KPNA1: variants seen among roughly 807,000 people sequenced by gnomAD.
KPNA1 encodes the protein importin subunit alpha-5.
KPNA1 carries 10 observed loss-of-function variants against 70.5 expected under a neutral mutation model. The observed-to-expected ratio is 0.14, with a 90% confidence interval of 0.09 to 0.24. The LOEUF is 0.24. KPNA1 is among the 10% of genes least tolerant of loss of function. The pLI is 1.00. For missense variants in KPNA1, 397 were observed against 637.9 expected (o/e 0.62, Z 4.07); for synonymous variants, 192 against 221.9 (o/e 0.87, Z 1.20).
chr3:122,462,469 C>T (rs982347097), intron 4 of KPNA1, among the ~76,000 whole-genome samples: 1 of 152,006 alleles, frequency 6.6e-6, no homozygotes, highest in Non-Finnish European at 1.5e-5. Flanking sequence ...TCTCACCATA[C>T]CCTACATTAA....
intron 8 of KPNA1, 85 bp downstream of exon 8, chr3:122,451,449 T>G (rs561978387): frequency 1.5e-6 from 1 of 685,342 alleles, no homozygotes; most frequent in East Asian, 2.7e-5. Flanking sequence ...TTAACAAAAA[T>G]TATCTTCCTG....
intron 12 of KPNA1, among the ~76,000 whole-genome samples, chr3:122,431,239 G>A (rs1271976952): frequency 6.6e-6 from 1 of 152,048 alleles, no homozygotes; most frequent in Non-Finnish European, 1.5e-5. Context: ...TTGTCTCACT[G>A]CAACCAACCT....
intron 9 of KPNA1, among the ~76,000 whole-genome samples, chr3:122,443,552 A>C (rs530268418): frequency 2.6e-5 from 4 of 152,146 alleles, no homozygotes; most frequent in Admixed American, 6.5e-5. Context: ...CCAGCCCCCA[A>C]TATTTCAATG....
chr3:122,481,740 CTGTAT>C (rs2076573586), intron 2 of KPNA1, among the ~76,000 whole-genome samples: 1 of 152,132 alleles, frequency 6.6e-6, no homozygotes, highest in Admixed American at 6.5e-5. Flanking sequence ...GCTGGAGTGA[CTGTAT>C]TGTAATGTCA....
At chr3:122,501,385 T>C (rs1576347008) in intron 1 of KPNA1, among the ~76,000 whole-genome samples, 1 of 152,202 alleles carries the variant, frequency 6.6e-6, no homozygotes, top group Non-Finnish European at 1.5e-5. Context: ...CTGCTTTAGC[T>C]GTATCCCTAA....
At chr3:122,427,483 T>C (rs1399273109) in intron 13 of KPNA1, 55 bp downstream of exon 13, 5 of 1,520,174 alleles carry the variant, frequency 3.3e-6, no homozygotes, top group Admixed American at 1.9e-5. Context: ...TACTGAACTC[T>C]ATCTATGACC....
intron 2 of KPNA1, among the ~76,000 whole-genome samples, chr3:122,482,336 A>G (rs2076581233): frequency 6.6e-6 from 1 of 152,254 alleles, no homozygotes; most frequent in East Asian, 1.9e-4. Flanking sequence ...TATGTGCTCC[A>G]TAGCTGATGG....
At chr3:122,459,612 C>T (rs561071013) in intron 5 of KPNA1, 10 of 985,364 alleles carry the variant, frequency 1.0e-5, no homozygotes, top group African/African-American at 7.0e-5. Flanking sequence ...TCAGGGTGAA[C>T]GTGATTATTT....
intron 1 of KPNA1, among the ~76,000 whole-genome samples, chr3:122,503,559 ACTTCTG>A (rs1346083870): frequency 6.6e-6 from 1 of 152,170 alleles, no homozygotes; most frequent in African/African-American, 2.4e-5. Flanking sequence ...AAGACAGTAG[ACTTCTG>A]TGAGCCTGTT....
rs2075839098 is a variant in KPNA1 at position 122,427,596 on chromosome 3, T to C, written c.1371A>G (p.Glu457=). The C allele has an allele frequency of 1.9e-6, 3 of 1,614,166 alleles. No individual in the cohort carries two copies. The highest frequency in any genetic ancestry group is 2.5e-6 in the Non-Finnish European group (3 of 1,180,014). Residue 457 remains glutamate (E), a synonymous_variant, in exon 13 of 14, where the codon GAA becomes GAG. Transcript: ENST00000344337. ...TAATGCCAGTGCCATTCCTTTTGGC[T>C]TCCTGTTCTCCAAGCCTCAGGATAT... ...LENILRLGEQ[E]AKRNGTGINP... is the part of the protein sequence containing the mutation.
rs993978002 is a variant in KPNA1, at chr3:122,491,733, T to C, written c.129+4704A>G. Among the ~76,000 whole-genome samples the C allele has an allele frequency of 9.3e-5, 14 of 151,246 alleles. No homozygotes were observed. The South Asian group carries it at 1.0e-3, about 11-fold the overall frequency. ...AAATGAAATAATCCCAAAAAGGTAATAGAGGTCATACAGAATAAGAGATGT... is the reference window on the plus strand; with the variant it reads ...AAATGAAATAATCCCAAAAAGGTAACAGAGGTCATACAGAATAAGAGATGT... On this transcript the variant is annotated intron_variant, in intron 2 of 13. Transcript: ENST00000344337.
At chr3:122,494,484 G>C (rs1372746241) in intron 2 of KPNA1, among the ~76,000 whole-genome samples, 1 of 152,060 alleles carries the variant, frequency 6.6e-6, no homozygotes, top group Non-Finnish European at 1.5e-5. Context: ...CCATTCCATT[G>C]ACTTATATGT....
intron 1 of KPNA1, among the ~76,000 whole-genome samples, chr3:122,510,695 A>T (rs1330702049): frequency 6.6e-6 from 1 of 152,226 alleles, no homozygotes; most frequent in East Asian, 1.9e-4. Context: ...TATAATTGCT[A>T]TATCATGATA....
chr3:122,486,898 C>T (rs1268164597), intron 2 of KPNA1, among the ~76,000 whole-genome samples: 2 of 152,136 alleles, frequency 1.3e-5, no homozygotes, highest in East Asian at 3.9e-4. Flanking sequence ...AAAGCACACA[C>T]TATTTCATCC....
At chr3:122,485,796 C>T (rs370542133) in intron 2 of KPNA1, among the ~76,000 whole-genome samples, 27 of 151,712 alleles carry the variant, frequency 1.8e-4, no homozygotes, top group African/African-American at 6.3e-4. Flanking sequence ...ATTAAATGTT[C>T]GCACCACAAA....
chr3:122,473,506 T>C (rs778702184), intron 2 of KPNA1, among the ~76,000 whole-genome samples: 1 of 152,104 alleles, frequency 6.6e-6, no homozygotes, highest in Non-Finnish European at 1.5e-5. Flanking sequence ...CAACAATGTA[T>C]AAAACGAATC....
intron 12 of KPNA1, among the ~76,000 whole-genome samples, chr3:122,432,311 C>A (rs943276099): frequency 6.6e-6 from 1 of 152,144 alleles, no homozygotes; most frequent in Non-Finnish European, 1.5e-5. Flanking sequence ...GCTTCTGTCT[C>A]CCTGAAATAA....
At chr3:122,497,463 T>C (rs2076777585) in intron 1 of KPNA1, among the ~76,000 whole-genome samples, 2 of 152,240 alleles carry the variant, frequency 1.3e-5, no homozygotes, top group South Asian at 4.1e-4. Context: ...CTAGGTCATA[T>C]GGTAACTATG....
At chr3:122,505,150 A>G (rs1250446307) in intron 1 of KPNA1, among the ~76,000 whole-genome samples, 9 of 152,020 alleles carry the variant, frequency 5.9e-5, no homozygotes, top group Admixed American at 5.9e-4. Context: ...CTAAAAATAC[A>G]AAAATTAGCC....
Sources: gnomAD v4.1 joint callset for allele counts (sites outside exome capture counted in the v4.1 genomes callset) on GRCh38, gnomAD v4.1.1 for gene constraint, MANE v1.5 for transcripts, NCBI Gene and HGNC (gene_info 2026-07-23, HGNC 2026-07-21) for gene names.